The following PRPS2 variants were observed in gnomAD, a reference collection of about 807,000 sequenced individuals.
PRPS2 encodes the protein phosphoribosyl pyrophosphate synthetase 2, also known as ribose-phosphate pyrophosphokinase 2.
For missense variants in PRPS2, 104 were observed against 271.5 expected, an observed-to-expected ratio of 0.38 and a Z score of 4.34; for synonymous variants, 111 against 115.3, an observed-to-expected ratio of 0.96 and a Z score of 0.24.
intron 5 of PRPS2, among the ~76,000 whole-genome samples, chrX:12,820,241 C>T (rs910365578): frequency 8.9e-6 from 1 of 112,225 alleles, no homozygotes; most frequent in Non-Finnish European, 1.9e-5. Context: ...TGATGTTTGG[C>T]TATATTGGTT....
At chrX:12,806,739 T>C (rs2042595052) in intron 2 of PRPS2, among the ~76,000 whole-genome samples, 1 of 112,436 alleles carries the variant, frequency 8.9e-6, no homozygotes, top group African/African-American at 3.2e-5. Flanking sequence ...TGCTGGCATC[T>C]TAGTCTGTGC....
chrX:12,794,261 G>A (rs1024885318), intron 1 of PRPS2, among the ~76,000 whole-genome samples: 3 of 111,802 alleles, frequency 2.7e-5, no homozygotes, highest in African/African-American at 9.8e-5. Flanking sequence ...GACTGAAGTT[G>A]TTACTAGCTT....
chrX:12,796,335 C>A (rs2042543594), intron 1 of PRPS2, among the ~76,000 whole-genome samples: 1 of 108,816 alleles, frequency 9.2e-6, no homozygotes, highest in Non-Finnish European at 1.9e-5. Context: ...ATTCTCCTGC[C>A]TCAGCCTCCC....
intron 2 of PRPS2, among the ~76,000 whole-genome samples, chrX:12,806,616 T>C (rs1222032684): frequency 9.0e-6 from 1 of 111,720 alleles, no homozygotes; most frequent in African/African-American, 3.3e-5. Flanking sequence ...GTAAACAAGG[T>C]GTGAAGAAGA....
chrX:12,808,895 A>C (rs1402556559), intron 2 of PRPS2, among the ~76,000 whole-genome samples: 2 of 107,426 alleles, frequency 1.9e-5, no homozygotes, highest in Non-Finnish European at 3.9e-5. Flanking sequence ...TACTACTATC[A>C]TCTCTCTCTC....
At chrX:12,814,642 G>A (rs886879160) in intron 4 of PRPS2, among the ~76,000 whole-genome samples, 17 of 111,892 alleles carry the variant, frequency 1.5e-4, no homozygotes, top group African/African-American at 5.2e-4. Context: ...GTCACTCTTG[G>A]GTAGGCTTTG....
chrX:12,805,870 C>T (rs1411357508), intron 2 of PRPS2, among the ~76,000 whole-genome samples: 2 of 111,703 alleles, frequency 1.8e-5, no homozygotes, highest in East Asian at 2.8e-4. Context: ...GTCAGGAGTT[C>T]GAGAAGAGCC....
chrX:12,800,028 G>A (rs1012242059), intron 2 of PRPS2, among the ~76,000 whole-genome samples: 3 of 112,494 alleles, frequency 2.7e-5, no homozygotes, highest in Non-Finnish European at 5.6e-5. Flanking sequence ...AATGTGGTTG[G>A]TCTTTGCCTT....
intron 1 of PRPS2, among the ~76,000 whole-genome samples, chrX:12,798,300 C>T (rs1008660782): frequency 1.8e-5 from 2 of 112,673 alleles, no homozygotes; most frequent in Non-Finnish European, 3.7e-5. Context: ...AACGTACAGT[C>T]AATCTTTAAT....
chrX:12,817,479 A>AAAG (rs1209598097), intron 4 of PRPS2, among the ~76,000 whole-genome samples: 3 of 108,558 alleles, frequency 2.8e-5, no homozygotes, highest in African/African-American at 1.0e-4. Flanking sequence ...AAAAAAAAAA[A>AAAG]AAAAAAAAAA....
At chrX:12,809,403 T>C in intron 3 of PRPS2, 71 bp downstream of exon 3, 1 of 1,051,028 alleles carries the variant, frequency 9.5e-7, no homozygotes, top group East Asian at 3.1e-5. Flanking sequence ...GTAACATTAC[T>C]TGTGTTTGAG....
At chrX:12,794,132 T>A (rs770845577) in intron 1 of PRPS2, among the ~76,000 whole-genome samples, 1 of 112,880 alleles carries the variant, frequency 8.9e-6, no homozygotes, top group South Asian at 3.6e-4. Context: ...CTTACAAATC[T>A]GCAATTTGGG....
intron 1 of PRPS2, among the ~76,000 whole-genome samples, chrX:12,793,670 G>A (rs141175153): frequency 2.2e-3 from 242 of 112,314 alleles, no homozygotes; most frequent in Non-Finnish European, 3.0e-3. Context: ...GCTTTTAGCT[G>A]TGTAATCGTA....
intron 4 of PRPS2, among the ~76,000 whole-genome samples, chrX:12,817,648 A>G (rs759627035): frequency 2.9e-4 from 32 of 111,161 alleles, no homozygotes; most frequent in Non-Finnish European, 5.3e-4. Context: ...GGTGGAACCA[A>G]CCTGAGTGGC....
chrX:12,797,105 C>T lies in PRPS2; in HGVS notation c.123-2102C>T, dbSNP rs192697146. Among the ~76,000 whole-genome samples the T allele has an allele frequency of 5.0e-3, 556 of 110,441 alleles. 1 individual carries two copies. The highest frequency in any genetic ancestry group is 0.018 in the African/African-American group (543 of 30,373). On this transcript the variant is annotated intron_variant, in intron 1 of 6. Transcript: ENST00000380668. ...GGGTGCAATGGCTCACGTCTGTAAT[C>T]CCAGCACTTTGGGAGGCTGAGGTGG...
intron 4 of PRPS2, 119 bp downstream of exon 4, chrX:12,810,265 A>T: frequency 2.1e-6 from 2 of 942,806 alleles, no homozygotes; most frequent in African/African-American, 3.8e-5. Flanking sequence ...GCTAATGAGC[A>T]AGTAAGTAGA....
At chrX:12,812,353 G>A (rs748337968) in intron 4 of PRPS2, among the ~76,000 whole-genome samples, 2 of 112,304 alleles carry the variant, frequency 1.8e-5, no homozygotes, top group South Asian at 3.7e-4. Context: ...TTGGCCGGGT[G>A]TGGTGACTCA....
chrX:12,814,689 C>T (rs1966345699), intron 4 of PRPS2, among the ~76,000 whole-genome samples: 11 of 111,612 alleles, frequency 9.9e-5, no homozygotes, highest in Admixed American at 9.5e-4. Flanking sequence ...GAAAATTAAA[C>T]CTAAGAAACC....
chrX:12,796,101 G>T (rs897603030), intron 1 of PRPS2, among the ~76,000 whole-genome samples: 1 of 110,674 alleles, frequency 9.0e-6, no homozygotes, highest in Non-Finnish European at 1.9e-5. Context: ...GGCTGGACTA[G>T]AACTCCTGGG....
Sources: gnomAD v4.1 joint callset for allele counts (sites outside exome capture counted in the v4.1 genomes callset) on GRCh38, gnomAD v4.1.1 for gene constraint, MANE v1.5 for transcripts, NCBI Gene and HGNC (gene_info 2026-07-23, HGNC 2026-07-21) for gene names.